Variants in MACROD2 observed in about 807,000 individuals in gnomAD.
The protein encoded by MACROD2 is ADP-ribose glycohydrolase MACROD2.
Under a neutral mutation model 70.4 loss-of-function variants are expected in MACROD2, and 36 were observed. The ratio of observed to expected loss-of-function variants is 0.51; its 90% CI spans 0.39 to 0.68. The LOEUF (loss-of-function observed/expected upper bound fraction) is 0.68, where lower values mean the gene tolerates loss of function less well. MACROD2 is among the 30% of genes least tolerant of loss of function. The pLI is 0.00. For missense variants in MACROD2, 496 were observed against 538.4 expected (o/e 0.92, Z 0.78); for synonymous variants, 172 against 178.8 (o/e 0.96, Z 0.30).
chr20:15,129,789 A>G (rs772926727), intron 5 of MACROD2, among the ~76,000 whole-genome samples: 4 of 152,088 alleles, frequency 2.6e-5, no homozygotes, highest in Non-Finnish European at 4.4e-5. Flanking sequence ...GGTGAAACAG[A>G]TGCTAGACCT....
chr20:15,649,811 A>C (rs2049617131), intron 8 of MACROD2, among the ~76,000 whole-genome samples: 1 of 152,170 alleles, frequency 6.6e-6, no homozygotes, highest in Non-Finnish European at 1.5e-5. Context: ...AAAGCCATTT[A>C]AGACTGTGTG....
chr20:14,217,348 G>A (rs765271333), intron 3 of MACROD2, among the ~76,000 whole-genome samples: 1 of 152,118 alleles, frequency 6.6e-6, no homozygotes, highest in Non-Finnish European at 1.5e-5. Context: ...TGCATCCCTG[G>A]TATGAAACCC....
chr20:14,341,719 G>C (rs1199331041), intron 3 of MACROD2, among the ~76,000 whole-genome samples: 1 of 152,184 alleles, frequency 6.6e-6, no homozygotes, highest in Non-Finnish European at 1.5e-5. Flanking sequence ...GATACTTTTG[G>C]TTGCAAGTCA....
chr20:14,100,738 A>AATATAAT, intron 3 of MACROD2, among the ~76,000 whole-genome samples: 1 of 135,194 alleles, frequency 7.4e-6, no homozygotes, highest in East Asian at 2.0e-4. Flanking sequence ...AATATATATA[A>AATATAAT]ATATAATATA....
intron 5 of MACROD2, among the ~76,000 whole-genome samples, chr20:15,139,502 G>T (rs2076175673): frequency 6.6e-6 from 1 of 152,088 alleles, no homozygotes; most frequent in Non-Finnish European, 1.5e-5. Flanking sequence ...CTGCTTTATT[G>T]CCGTCAACAT....
chr20:14,917,731 A>G lies in MACROD2; in HGVS notation c.418+232772A>G, dbSNP rs147027165. On this transcript the variant is annotated intron_variant, in intron 5 of 17. Coordinates refer to ENST00000684519, the MANE Select transcript of MACROD2 (RefSeq NM_001351661.2). ...ACCCAAAAGAAGAAAAAAATTCAAGAAAGACTGGTCAATTGCATCTAAAGC... is the reference window on the plus strand; with the variant it reads ...ACCCAAAAGAAGAAAAAAATTCAAGGAAGACTGGTCAATTGCATCTAAAGC... Among the ~76,000 whole-genome samples the G allele has an allele frequency of 3.4e-4, 52 of 152,202 alleles. No individual in the cohort carries two copies. In the East Asian group the frequency reaches 9.5e-3, roughly 28 times the overall value.
At chr20:15,509,284 G>A (rs192329015) in intron 8 of MACROD2, among the ~76,000 whole-genome samples, 28 of 152,258 alleles carry the variant, frequency 1.8e-4, no homozygotes, top group East Asian at 5.8e-4. Context: ...TTTTCTGATG[G>A]CTGTATTTTT....
At chr20:14,255,106 C>T (rs578211616) in intron 3 of MACROD2, among the ~76,000 whole-genome samples, 3 of 152,184 alleles carry the variant, frequency 2.0e-5, no homozygotes, top group South Asian at 4.2e-4. Context: ...CTGAGAGATC[C>T]GCTGTTAGTC....
rs774496394 is a variant in MACROD2, at chr20:15,885,823, A to G, written c.775+12A>G. On this transcript the variant is annotated intron_variant, in intron 10 of 17. Coordinates refer to ENST00000684519, the MANE Select transcript of MACROD2 (RefSeq NM_001351661.2). ...GAAAGAAGATTCAGGTATTAAATTC[A>G]TACTTTTATTATTAGGGGGTAGGTA... 2 of 1,500,656 alleles carry G rather than the reference A, an allele frequency of 1.3e-6. No individual in the cohort carries two copies. The highest frequency in any genetic ancestry group is 1.4e-5 in the African/African-American group (1 of 69,386). 93.0% of individuals were successfully genotyped at this position (1,500,656 alleles called of 1,614,324 possible). A position where few individuals can be genotyped will look rare whatever the true frequency, so the allele number is the denominator to read the frequency against.
At chr20:14,438,436 G>A (rs2084083534) in intron 3 of MACROD2, among the ~76,000 whole-genome samples, 1 of 152,142 alleles carries the variant, frequency 6.6e-6, no homozygotes. Flanking sequence ...TACCCAGCAG[G>A]ATTGCTGGAT....
chr20:15,023,051 T>C (rs946590794), intron 5 of MACROD2: 5 of 152,088 alleles, frequency 3.3e-5, no homozygotes, highest in African/African-American at 1.2e-4. Context: ...TCTATACCCA[T>C]GTTGCAGTTA....
intron 8 of MACROD2, among the ~76,000 whole-genome samples, chr20:15,574,740 A>T (rs2048421473): frequency 6.6e-6 from 1 of 152,170 alleles, no homozygotes; most frequent in South Asian, 2.1e-4. Flanking sequence ...TTCAGCCTTC[A>T]AGGGTCCATT....
chr20:14,190,690 ATATATATATTTTTTTTTTTT>A (rs1408909517), intron 3 of MACROD2, among the ~76,000 whole-genome samples: 4 of 42,218 alleles, frequency 9.5e-5, no homozygotes, highest in Non-Finnish European at 1.2e-4. Flanking sequence ...ATATATATAT[ATATATATATTTTTTTTTTTT>A]TTTTTTTTTT....
At chr20:14,586,757 T>C (rs544818183) in intron 4 of MACROD2, among the ~76,000 whole-genome samples, 1 of 152,176 alleles carries the variant, frequency 6.6e-6, no homozygotes, top group Non-Finnish European at 1.5e-5. Flanking sequence ...ACTTTTGTCA[T>C]ATCTAGAATC....
intron 3 of MACROD2, among the ~76,000 whole-genome samples, chr20:14,466,760 C>T (rs2084455726): frequency 6.6e-6 from 1 of 152,068 alleles, no homozygotes. Context: ...ACAGTCAGGA[C>T]CCTCAGCTGC....
intron 8 of MACROD2, among the ~76,000 whole-genome samples, chr20:15,674,265 G>A (rs540591854): frequency 4.6e-5 from 7 of 152,214 alleles, no homozygotes; most frequent in South Asian, 4.1e-4. Flanking sequence ...AAGGGTTTGC[G>A]ACTCAATTTA....
At chr20:14,376,158 A>T (rs2083368410) in intron 3 of MACROD2, among the ~76,000 whole-genome samples, 1 of 152,160 alleles carries the variant, frequency 6.6e-6, no homozygotes, top group Non-Finnish European at 1.5e-5. Flanking sequence ...TAATGTCTAA[A>T]TATTTATTTA....
intron 2 of MACROD2, among the ~76,000 whole-genome samples, chr20:14,059,505 T>C (rs765175980): frequency 6.6e-6 from 1 of 152,160 alleles, no homozygotes; most frequent in Non-Finnish European, 1.5e-5. Context: ...TGATACAGAA[T>C]GAATGACTGC....
At chr20:15,038,599 A>G (rs779008023) in intron 5 of MACROD2, among the ~76,000 whole-genome samples, 2 of 152,186 alleles carry the variant, frequency 1.3e-5, no homozygotes, top group Non-Finnish European at 2.9e-5. Flanking sequence ...TGACTCTGCT[A>G]TGGCTGATTC....
Sources: allele counts gnomAD v4.1 joint callset (sites outside exome capture counted in the v4.1 genomes callset), GRCh38; gene constraint gnomAD v4.1.1; transcripts MANE v1.5; gene names NCBI Gene and HGNC (gene_info 2026-07-23, HGNC 2026-07-21).